The following MACROH2A1 variants were observed in gnomAD, a reference collection of about 807,000 sequenced individuals.
MACROH2A1 encodes the protein macroH2A.1 histone, also known as core histone macro-H2A.1.
Under a neutral mutation model 31.6 loss-of-function variants are expected in MACROH2A1, and 2 were observed. That is an observed-to-expected ratio of 0.06 (90% CI 0.03 to 0.20). MACROH2A1 has a LOEUF of 0.20. Among genes scored for constraint, MACROH2A1 ranks in the 10% least tolerant of loss-of-function variants. The pLI, the probability that MACROH2A1 is intolerant of heterozygous loss-of-function variation, is 1.00. For synonymous variants in MACROH2A1, 169 were observed against 189.6 expected (o/e 0.89, Z 0.89); for missense variants, 230 against 474.0 (o/e 0.49, Z 4.78).
intron 2 of MACROH2A1, among the ~76,000 whole-genome samples, chr5:135,370,698 A>AGT (rs200268628): frequency 2.0e-5 from 3 of 152,086 alleles, no homozygotes; most frequent in African/African-American, 4.8e-5. Flanking sequence ...CATTTTTTAA[A>AGT]GTGTGTGTGT....
intron 6 of MACROH2A1, chr5:135,351,566 TTTTTTTTTTTTTTTTA>T: frequency 1.9e-5 from 2 of 105,498 alleles, no homozygotes; most frequent in African/African-American, 3.7e-5. Context: ...TTTTTTTTTT[TTTTTTTTTTTTTTTTA>T]CAGATAGGAT....
At chr5:135,394,397 G>A (rs977328182) in intron 1 of MACROH2A1, among the ~76,000 whole-genome samples, 1 of 152,112 alleles carries the variant, frequency 6.6e-6, no homozygotes, top group Non-Finnish European at 1.5e-5. Flanking sequence ...GCAGCTGCAT[G>A]TCCAGACTCC....
At chr5:135,358,987 G>T in intron 5 of MACROH2A1, 1 of 985,250 alleles carries the variant, frequency 1.0e-6, no homozygotes, top group Non-Finnish European at 1.2e-6. Flanking sequence ...AGAGGAGGCC[G>T]TGATCCCATT....
chr5:135,371,948 T>C (rs1385366312), intron 2 of MACROH2A1, among the ~76,000 whole-genome samples: 1 of 152,102 alleles, frequency 6.6e-6, no homozygotes, highest in East Asian at 1.9e-4. Context: ...TTTTAAGAGG[T>C]ACTAACAGCT....
rs145885826 is a variant in MACROH2A1 at position 135,335,102 on chromosome 5, C to G, written c.993G>C (p.Leu331=). The change falls in exon 9 of 9, where the codon CTG becomes CTC. Residue 331 remains leucine, a synonymous_variant. Transcript: ENST00000511689. ...FPKQTAAQLI[L]KAISSYFVST... ...ACACGAAGTAACTGGAGATGGCCTT[C>G]AGAATCAGCTGAGCTGCTGTCTGCT... 6.6e-5 allele frequency: 107 copies of G among 1,613,988 alleles called. No individual in the cohort carries two copies. In the African/African-American group the frequency reaches 1.2e-3, roughly 19 times the overall value.
chr5:135,378,248 G>C (rs1021266275), intron 2 of MACROH2A1, among the ~76,000 whole-genome samples: 1 of 152,216 alleles, frequency 6.6e-6, no homozygotes. Context: ...TACCTCGCTT[G>C]CTCTGCCACT....
At chr5:135,355,220 G>A (rs1403976845) in intron 5 of MACROH2A1, 1 of 455,952 alleles carries the variant, frequency 2.2e-6, no homozygotes, top group African/African-American at 2.0e-5. Flanking sequence ...ACTTGGATTT[G>A]CTGAAGGAAG....
intron 5 of MACROH2A1, chr5:135,356,625 C>A (rs886707727): frequency 1.3e-5 from 2 of 152,144 alleles, no homozygotes; most frequent in African/African-American, 4.8e-5. Flanking sequence ...TGGCTTGTAT[C>A]TGAGGTGGCT....
At chr5:135,385,152 G>C (rs1402255548) in intron 2 of MACROH2A1, among the ~76,000 whole-genome samples, 1 of 152,234 alleles carries the variant, frequency 6.6e-6, no homozygotes, top group African/African-American at 2.4e-5. Context: ...CACCATGCCT[G>C]CAATTGTCAT....
chr5:135,383,316 A>G (rs925944787), intron 2 of MACROH2A1, among the ~76,000 whole-genome samples: 2 of 152,242 alleles, frequency 1.3e-5, no homozygotes, highest in Non-Finnish European at 2.9e-5. Context: ...CTGGCCGTCA[A>G]TGAAGGTCAT....
intron 8 of MACROH2A1, among the ~76,000 whole-genome samples, chr5:135,338,511 A>G (rs1282329240): frequency 6.6e-6 from 1 of 152,198 alleles, no homozygotes; most frequent in African/African-American, 2.4e-5. Flanking sequence ...TGACTGGGTA[A>G]CTGCTGTTGT....
intron 2 of MACROH2A1, among the ~76,000 whole-genome samples, chr5:135,377,847 C>CTA (rs1218495790): frequency 6.6e-6 from 1 of 152,198 alleles, no homozygotes; most frequent in Non-Finnish European, 1.5e-5. Flanking sequence ...CCTGCTTAAT[C>CTA]CTGCTTCTCC....
chr5:135,382,550 T>C (rs1287115763), intron 2 of MACROH2A1, among the ~76,000 whole-genome samples: 1 of 152,226 alleles, frequency 6.6e-6, no homozygotes, highest in Admixed American at 6.5e-5. Flanking sequence ...AAATCCTAGA[T>C]AACATAGGAG....
intron 5 of MACROH2A1, chr5:135,353,755 G>A (rs1293995798): frequency 6.6e-6 from 1 of 152,168 alleles, no homozygotes; most frequent in Non-Finnish European, 1.5e-5. Context: ...GTGGCTTATT[G>A]AGCATTTTCC....
intron 6 of MACROH2A1, chr5:135,351,498 T>A (rs1761534247): frequency 6.6e-6 from 1 of 150,524 alleles, no homozygotes; most frequent in African/African-American, 2.4e-5. Context: ...TCAATATTTT[T>A]CCAGGCCCAT....
In MACROH2A1 at chr5:135,398,301, C is replaced by A. The variant is rs907136404; in HGVS notation, c.-34+761G>T. On this transcript the variant is annotated intron_variant, in intron 1 of 8. Coordinates refer to ENST00000511689, the MANE Select transcript of MACROH2A1 (RefSeq NM_138610.3). This position sits in a 1 kb window ranked among gnomAD's most constrained non-coding sequence, Gnocchi z 4.6. ...CCACTCCACCCCACCCCCAGCGAGG[C>A]TCTTTCCTGCTGGCCTTCTCCACCC... is the stretch of plus-strand genomic sequence containing the variant. 2.6e-5 allele frequency among the ~76,000 whole-genome samples: 4 copies of A among 152,210 alleles called. No individual in the cohort carries two copies. In the East Asian group the frequency reaches 7.7e-4, roughly 29 times the overall value.
chr5:135,383,657 A>C (rs1277082597), intron 2 of MACROH2A1, among the ~76,000 whole-genome samples: 2 of 151,562 alleles, frequency 1.3e-5, no homozygotes, highest in Non-Finnish European at 2.9e-5. Flanking sequence ...TTTAAGAATT[A>C]AGATAAAATT....
chr5:135,390,415 G>C (rs767620214), intron 1 of MACROH2A1, among the ~76,000 whole-genome samples: 1 of 152,192 alleles, frequency 6.6e-6, no homozygotes, highest in African/African-American at 2.4e-5. Context: ...ATTCACTTCA[G>C]GTATTATGCT....
At chr5:135,384,613 G>A (rs972674148) in intron 2 of MACROH2A1, among the ~76,000 whole-genome samples, 1 of 152,200 alleles carries the variant, frequency 6.6e-6, no homozygotes, top group Non-Finnish European at 1.5e-5. Flanking sequence ...TTTTGGAGGA[G>A]TGTGAAGGCT....
Sources: gnomAD v4.1 joint callset for allele counts (sites outside exome capture counted in the v4.1 genomes callset) on GRCh38, gnomAD v4.1.1 for gene constraint, Gnocchi (gnomAD v3.1) non-coding constraint, MANE v1.5 for transcripts, NCBI Gene and HGNC (gene_info 2026-07-23, HGNC 2026-07-21) for gene names.